NTN1: variants seen among roughly 807,000 people sequenced by gnomAD.
NTN1 encodes the protein netrin 1.
NTN1 carries 11 observed loss-of-function variants against 54.2 expected under a neutral mutation model. That is an observed-to-expected ratio of 0.20 (90% CI 0.13 to 0.34). NTN1 has a LOEUF of 0.34. Ranked by LOEUF, NTN1 falls within the 10% of genes least tolerant of loss-of-function variation. NTN1 has a pLI of 1.00. For synonymous variants in NTN1, 371 were observed against 382.0 expected, an observed-to-expected ratio of 0.97 and a Z score of 0.33; for missense variants, 740 against 893.1, an observed-to-expected ratio of 0.83 and a Z score of 2.18.
intron 2 of NTN1, among the ~76,000 whole-genome samples, chr17:9,083,916 C>T (rs536929716): frequency 6.6e-6 from 1 of 152,276 alleles, no homozygotes; most frequent in Admixed American, 6.5e-5. Context: ...ATTGCATTTG[C>T]TTCTGGGCTC....
chr17:9,144,272 G>C (rs991869254), intron 2 of NTN1, among the ~76,000 whole-genome samples: 5 of 151,896 alleles, frequency 3.3e-5, no homozygotes, highest in African/African-American at 1.2e-4. Flanking sequence ...CATGTGTCCA[G>C]CATCTAGTAG....
Position 9,239,677 on chromosome 17 carries a change from G to A in NTN1, c.1524G>A (p.Gly508=). The A allele has an allele frequency of 6.2e-7, 1 of 1,612,814 alleles. No individual in the cohort carries two copies. The highest frequency in any genetic ancestry group is 1.7e-4 in the Middle Eastern group (1 of 6,056). ...QIHILKADKA[G]DWWKFTVNII... is the part of the protein sequence containing the mutation. ...ACATCCTGAAGGCGGACAAGGCGGG[G>A]GACTGGTGGAAGTTCACGGTGAACA... Residue 508 remains glycine (G), a synonymous_variant, in exon 7 of 7, where the codon GGG becomes GGA. Transcript: ENST00000173229. The surrounding 1 kb of genome is among the most constrained non-coding windows in gnomAD (Gnocchi z 5.2).
At chr17:9,234,347 G>A (rs1905909251) in intron 6 of NTN1, among the ~76,000 whole-genome samples, 1 of 152,222 alleles carries the variant, frequency 6.6e-6, no homozygotes, top group Non-Finnish European at 1.5e-5. Flanking sequence ...GCTGGTTGCA[G>A]GAAAGGAGGG....
At chr17:9,146,397 TTTTC>T (rs141495967) in intron 2 of NTN1, among the ~76,000 whole-genome samples, 5,346 of 152,260 alleles carry the variant, frequency 0.035, 311 homozygotes, top group African/African-American at 0.12. Flanking sequence ...GTTCTCTGCA[TTTTC>T]TTTCTTAGAG....
chr17:9,189,436 C>T (rs1185079431), intron 5 of NTN1, among the ~76,000 whole-genome samples: 1 of 152,208 alleles, frequency 6.6e-6, no homozygotes, highest in Non-Finnish European at 1.5e-5. Flanking sequence ...ACTGCAACCT[C>T]CACCTTCCTG....
chr17:9,230,415 TG>T (rs1286205557), intron 6 of NTN1, among the ~76,000 whole-genome samples: 1 of 149,484 alleles, frequency 6.7e-6, no homozygotes, highest in East Asian at 2.0e-4. Flanking sequence ...CACCGGCCCC[TG>T]GGGAATCCTC....
At chr17:9,102,149 A>G (rs2092152346) in intron 2 of NTN1, among the ~76,000 whole-genome samples, 1 of 152,274 alleles carries the variant, frequency 6.6e-6, no homozygotes, top group African/African-American at 2.4e-5. Context: ...CTCTGCTGGC[A>G]GGAGTATAAA....
chr17:9,141,315 A>C (rs1340368209), intron 2 of NTN1, among the ~76,000 whole-genome samples: 2 of 152,058 alleles, frequency 1.3e-5, no homozygotes, highest in Non-Finnish European at 2.9e-5. Flanking sequence ...AAGGGCAAGC[A>C]TGAAAGGGAG....
At chr17:9,038,242 T>C (rs189258515) in intron 2 of NTN1, among the ~76,000 whole-genome samples, 1 of 55,090 alleles carries the variant, frequency 1.8e-5, no homozygotes, top group Non-Finnish European at 3.6e-5. Context: ...TCTTTCTCTG[T>C]CTTCTCCTCT....
In NTN1 at chr17:9,091,478, A is replaced by C. The variant is rs193026538; in HGVS notation, c.1018+68087A>C. Among the ~76,000 whole-genome samples the C allele has an allele frequency of 8.3e-3, 912 of 110,200 alleles. 9 individuals are homozygous for C. Among genetic ancestry groups the C allele is most frequent in the African/African-American group, 0.029 (874 of 29,652 alleles). The allele number at this position is 110,200 out of a possible 152,430, so 72.3% of individuals were successfully genotyped here. On this transcript the variant is annotated intron_variant, in intron 2 of 6. Coordinates refer to ENST00000173229, the MANE Select transcript of NTN1 (RefSeq NM_004822.3). ...CCTTTTTTTTTTTTTTTTGAGATGG[A>C]GTTTCTCTCTTATTGCCCAGGCTGG...
chr17:9,123,493 T>C (rs4791794), intron 2 of NTN1, among the ~76,000 whole-genome samples: 107,529 of 152,162 alleles, frequency 0.71, 40,072 homozygotes, highest in East Asian at 1. Context: ...TGCCGTCTAT[T>C]AGATACGTAT....
the NTN1 span, among the ~76,000 whole-genome samples, chr17:9,011,801 G>T: frequency 6.6e-6 from 1 of 152,098 alleles, no homozygotes; most frequent in African/African-American, 2.4e-5. Context: ...TGTTGGCCAG[G>T]ATGGTCTCGA....
At chr17:9,071,240 G>A (rs918916070) in intron 2 of NTN1, among the ~76,000 whole-genome samples, 1 of 151,830 alleles carries the variant, frequency 6.6e-6, no homozygotes, top group Admixed American at 6.6e-5. Flanking sequence ...AACACGGATC[G>A]TGTGAACACT....
At chr17:9,058,797 G>A (rs755318276) in intron 2 of NTN1, among the ~76,000 whole-genome samples, 2 of 151,914 alleles carry the variant, frequency 1.3e-5, no homozygotes, top group Non-Finnish European at 2.9e-5. Flanking sequence ...CCCAGGTAAC[G>A]GGAAGCTTGC....
At chr17:9,029,550 A>G (rs1248739219) in intron 2 of NTN1, among the ~76,000 whole-genome samples, 1 of 152,222 alleles carries the variant, frequency 6.6e-6, no homozygotes, top group Non-Finnish European at 1.5e-5. Flanking sequence ...AGTCCTGTAG[A>G]TACAGACGTT....
intron 2 of NTN1, among the ~76,000 whole-genome samples, chr17:9,152,357 C>T (rs1381456640): frequency 6.6e-6 from 1 of 152,182 alleles, no homozygotes; most frequent in Admixed American, 6.5e-5. Context: ...TTCCTCTGCC[C>T]AGTTCCCCGG....
At chr17:9,030,754 G>T (rs755809456) in intron 2 of NTN1, among the ~76,000 whole-genome samples, 9 of 146,954 alleles carry the variant, frequency 6.1e-5, no homozygotes, top group Non-Finnish European at 1.2e-4. Context: ...AAAAAGAAAA[G>T]AAAAAAAAAA....
chr17:9,035,092 G>A (rs902049827), intron 2 of NTN1, among the ~76,000 whole-genome samples: 7 of 151,946 alleles, frequency 4.6e-5, no homozygotes, highest in South Asian at 4.2e-4. Context: ...GACTACAGGC[G>A]CCCGCCACCA....
intron 5 of NTN1, among the ~76,000 whole-genome samples, chr17:9,190,383 G>A (rs1052429436): frequency 1.3e-5 from 2 of 152,166 alleles, no homozygotes; most frequent in Non-Finnish European, 2.9e-5. Flanking sequence ...CATGAAACAC[G>A]ATTCCTAAAT....
Sources: gnomAD v4.1 joint callset for allele counts (sites outside exome capture counted in the v4.1 genomes callset) on GRCh38, gnomAD v4.1.1 for gene constraint, Gnocchi (gnomAD v3.1) non-coding constraint, MANE v1.5 for transcripts, NCBI Gene and HGNC (gene_info 2026-07-23, HGNC 2026-07-21) for gene names.